Variants in DMD observed in about 807,000 individuals in gnomAD.
DMD encodes the protein dystrophin, also known as mutant dystrophin.
DMD carries 63 observed loss-of-function variants against 330.1 expected under a neutral mutation model. The observed-to-expected ratio is 0.19, with a 90% CI of 0.16 to 0.24. The LOEUF is 0.24. Ranked by LOEUF, DMD falls within the 10% of genes least tolerant of loss-of-function variation. The probability of loss-of-function intolerance (pLI) is 1.00; values close to 1 mark genes in which losing one functional copy is unlikely to be tolerated. For synonymous variants in DMD, 1,223 were observed against 959.8 expected (o/e 1.27, Z -5.07); for missense variants, 3,344 against 2,684.1 (o/e 1.25, Z -5.43).
At chrX:32,376,647 G>A (rs758512762) in intron 34 of DMD, among the ~76,000 whole-genome samples, 1 of 111,121 alleles carries the variant, frequency 9.0e-6, no homozygotes, top group African/African-American at 3.3e-5. Context: ...TTATATTATA[G>A]ACAATGCATC....
intron 55 of DMD, among the ~76,000 whole-genome samples, chrX:31,596,183 T>C (rs930846566): frequency 8.9e-6 from 1 of 111,786 alleles, no homozygotes; most frequent in Admixed American, 9.6e-5. Flanking sequence ...GGAGAAAAGA[T>C]GCATTACTGA....
chrX:32,118,480 C>G (rs751310908), intron 44 of DMD, among the ~76,000 whole-genome samples: 4 of 110,696 alleles, frequency 3.6e-5, no homozygotes, highest in African/African-American at 1.3e-4. Flanking sequence ...AACTTCTCCC[C>G]CTCTATGTGG....
rs147544157 is a variant in DMD at position 32,497,235 on chromosome X, C to T, written c.2380+4520G>A. ...TAATGTTATGGATAAGAAGAGCTCT[C>T]GTCAGTGTTATCATTCTGTGCCATT... On this transcript the variant is annotated intron_variant, in intron 19 of 78. Coordinates refer to ENST00000357033, the MANE Select transcript of DMD (RefSeq NM_004006.3). Among the ~76,000 whole-genome samples the T allele has an allele frequency of 9.0e-4, 101 of 111,994 alleles. 1 individual carries two copies. The highest frequency in any genetic ancestry group is 2.8e-3 in the African/African-American group (86 of 30,934).
chrX:32,529,960 GCA>G (rs2047325678), intron 17 of DMD, among the ~76,000 whole-genome samples: 2 of 110,920 alleles, frequency 1.8e-5, no homozygotes, highest in South Asian at 7.6e-4. Flanking sequence ...GTAATTTTAA[GCA>G]CATCACTCAT....
At chrX:31,560,577 C>T (rs1164332358) in intron 55 of DMD, among the ~76,000 whole-genome samples, 3 of 110,805 alleles carry the variant, frequency 2.7e-5, no homozygotes, top group African/African-American at 6.6e-5. Flanking sequence ...AATAGACACT[C>T]GAACAGACAG....
chrX:32,214,904 A>G (rs1182438584), intron 44 of DMD, among the ~76,000 whole-genome samples: 1 of 112,216 alleles, frequency 8.9e-6, no homozygotes, highest in Non-Finnish European at 1.9e-5. Flanking sequence ...CTTAATGAGG[A>G]GAAAAATAAA....
intron 1 of DMD, among the ~76,000 whole-genome samples, chrX:33,115,600 C>T (rs1470772273): frequency 9.2e-6 from 1 of 108,323 alleles, no homozygotes; most frequent in Non-Finnish European, 1.9e-5. Flanking sequence ...CAAGCTCCGC[C>T]TCCTGGGTTC....
At chrX:32,658,966 G>T (rs1052640452) in intron 9 of DMD, among the ~76,000 whole-genome samples, 1 of 111,694 alleles carries the variant, frequency 9.0e-6, no homozygotes, top group African/African-American at 3.3e-5. Flanking sequence ...AATTTAGAGG[G>T]TAATTGTAAG....
intron 19 of DMD, among the ~76,000 whole-genome samples, chrX:32,492,506 C>A (rs997949539): frequency 8.9e-6 from 1 of 112,334 alleles, no homozygotes; most frequent in East Asian, 2.8e-4. Flanking sequence ...GAAACACAAG[C>A]ATATCATTAT....
At chrX:32,540,508 G>C (rs756072389) in intron 17 of DMD, among the ~76,000 whole-genome samples, 1 of 111,352 alleles carries the variant, frequency 9.0e-6, no homozygotes, top group Admixed American at 9.6e-5. Context: ...GGATGGTCAC[G>C]TTTATTATTA....
At chrX:32,423,481 T>A (rs2098199021) in intron 29 of DMD, among the ~76,000 whole-genome samples, 1 of 110,755 alleles carries the variant, frequency 9.0e-6, no homozygotes, top group Non-Finnish European at 1.9e-5. Context: ...TATATACATG[T>A]ATATATAAAT....
Position 32,998,601 on chromosome X carries a change from T to TTA in DMD, c.93+21536_93+21537dup, listed in dbSNP as rs1172431083. Among the ~76,000 whole-genome samples, 43 of 103,159 alleles carry TTA rather than the reference T, an allele frequency of 4.2e-4. No homozygotes were observed. In the East Asian group the frequency reaches 8.2e-3, roughly 20 times the overall value. The allele number at this position is 103,159 out of a possible 115,157, so 89.6% of individuals were successfully genotyped here. A position where few individuals can be genotyped will look rare whatever the true frequency, so the allele number is the denominator to read the frequency against. On this transcript the variant is annotated intron_variant, in intron 2 of 78. Coordinates refer to ENST00000357033, the MANE Select transcript of DMD (RefSeq NM_004006.3). Reference sequence around the variant, plus strand: ...AATTACTTTAAAGTTCTCTACCTATTTATATATATATATACACACACACAC... The same window carrying TTA: ...AATTACTTTAAAGTTCTCTACCTATTTATATATATATATATACACACACACAC...
chrX:32,957,154 G>A lies in DMD; in HGVS notation c.93+62985C>T, dbSNP rs1470995507. On this transcript the variant is annotated intron_variant, in intron 2 of 78. Transcript: ENST00000357033. ...TACTTTTAGTGTCAACAAAGAGGGT[G>A]TTCTGGGCACCATTTCAATTACTAT... Among the ~76,000 whole-genome samples the A allele has an allele frequency of 3.5e-4, 39 of 111,469 alleles. No homozygotes were observed. In the Admixed American group the frequency reaches 3.6e-3, roughly 10 times the overall value.
intron 44 of DMD, among the ~76,000 whole-genome samples, chrX:32,147,411 T>C (rs2096782929): frequency 1.8e-5 from 2 of 112,122 alleles, no homozygotes; most frequent in Admixed American, 1.9e-4. Context: ...CAAAAAATTA[T>C]ATACTTTACT....
At chrX:33,025,511 A>T (rs941001339) in intron 1 of DMD, among the ~76,000 whole-genome samples, 3 of 111,493 alleles carry the variant, frequency 2.7e-5, no homozygotes, top group Non-Finnish European at 3.8e-5. Context: ...AAACACTAAC[A>T]ATTATTCCCA....
At position 31,951,122 on chromosome X, in the gene DMD, C is replaced by CATATATATAT. The variant is rs767693982; in HGVS notation, c.6614+17207_6614+17216dup. 5.5e-3 allele frequency among the ~76,000 whole-genome samples: 361 copies of CATATATATAT among 65,295 alleles called. 7 individuals are homozygous for CATATATATAT. Among genetic ancestry groups the CATATATATAT allele is most frequent in the African/African-American group, 0.024 (340 of 14,417 alleles). 56.7% of individuals were successfully genotyped at this position (65,295 alleles called of 115,157 possible). Reference sequence around the variant, plus strand: ...TTTAAACACACATACTATATATATACATATATATATATATATATGTGTATA... The same window carrying CATATATATAT: ...TTTAAACACACATACTATATATATACATATATATATATATATATATATATATATGTGTATA... On this transcript the variant is annotated intron_variant, in intron 45 of 78. Coordinates refer to ENST00000357033, the MANE Select transcript of DMD (RefSeq NM_004006.3).
At chrX:33,185,673 T>C (rs945158527) in intron 1 of DMD, among the ~76,000 whole-genome samples, 3 of 111,622 alleles carry the variant, frequency 2.7e-5, no homozygotes, top group African/African-American at 9.8e-5. Context: ...CAATTCTAAG[T>C]TGATGTCTCA....
intron 52 of DMD, among the ~76,000 whole-genome samples, chrX:31,721,467 C>T (rs762358127): frequency 1.2e-4 from 13 of 109,067 alleles, no homozygotes; most frequent in Non-Finnish European, 2.3e-4. Context: ...TATCGGATTA[C>T]CTTTGGACTC....
chrX:31,674,114 T>C (rs2081957561), intron 53 of DMD, among the ~76,000 whole-genome samples: 1 of 111,996 alleles, frequency 8.9e-6, no homozygotes, highest in African/African-American at 3.2e-5. Flanking sequence ...GCTGATTTAA[T>C]TTTGTACAAC....
Sources: allele counts gnomAD v4.1 joint callset (sites outside exome capture counted in the v4.1 genomes callset), GRCh38; gene constraint gnomAD v4.1.1; transcripts MANE v1.5; gene names NCBI Gene and HGNC (gene_info 2026-07-23, HGNC 2026-07-21).